SETBP1: variants seen among roughly 807,000 people sequenced by gnomAD.
The protein encoded by SETBP1 is SET-binding protein.
SETBP1 carries 9 observed loss-of-function variants against 101.0 expected under a neutral mutation model. The observed-to-expected ratio is 0.09, with a 90% CI of 0.05 to 0.16. SETBP1 has a LOEUF of 0.16. Ranked by LOEUF, SETBP1 falls within the 10% of genes least tolerant of loss-of-function variation. The pLI, the probability that SETBP1 is intolerant of heterozygous loss-of-function variation, is 1.00. For missense variants in SETBP1, 1,858 were observed against 2,033.8 expected (o/e 0.91, Z 1.66); for synonymous variants, 818 against 788.5 (o/e 1.04, Z -0.63).
At position 44,950,988 on chromosome 18, in the gene SETBP1, A is replaced by G; in HGVS notation, c.1648A>G (p.Thr550Ala). The change falls in exon 4 of 6, where the codon ACC becomes GCC. Residue 550 changes from threonine to alanine, a missense_variant. Thr to Ala is a moderately conservative substitution (Grantham distance 58). Around this residue, in one of 12 missense-constraint regions of SETBP1, gnomAD observed 581 missense variants for 535.1 expected, o/e 1.09. Coordinates refer to ENST00000649279, the MANE Select transcript of SETBP1 (RefSeq NM_015559.3). ...CATGCTTCGAGAGGCAGTTATGGCC[A>G]CCTCTGATAAACTGATGCTGGAGCC... ...STMLREAVMA[T>A]SDKLMLEPPS... is the part of the protein sequence containing the mutation. The G allele has an allele frequency of 1.2e-6, 2 of 1,613,976 alleles. No individual in the cohort carries two copies. The highest frequency in any genetic ancestry group is 1.7e-6 in the Non-Finnish European group (2 of 1,180,010).
chr18:44,792,441 C>T (rs374830369), intron 2 of SETBP1, among the ~76,000 whole-genome samples: 8 of 152,146 alleles, frequency 5.3e-5, no homozygotes, highest in Non-Finnish European at 8.8e-5. Context: ...AAGTCAGAGC[C>T]GTGCCTGAGC....
rs146723999 is a variant in SETBP1, at chr18:44,855,944, G to A, written c.487-13286G>A. ...GCTACTGGAATAAACAGGCTGTAGCGTGTGCCTACGGGCAGGACTGGGGAG... is the reference window on the plus strand; with the variant it reads ...GCTACTGGAATAAACAGGCTGTAGCATGTGCCTACGGGCAGGACTGGGGAG... On this transcript the variant is annotated intron_variant, in intron 2 of 5. Transcript: ENST00000649279. Among the ~76,000 whole-genome samples the A allele has an allele frequency of 4.9e-3, 743 of 152,292 alleles. 7 individuals are homozygous for A. Among genetic ancestry groups the A allele is most frequent in the African/African-American group, 0.017 (710 of 41,572 alleles).
At chr18:44,736,625 T>C (rs1302633024) in intron 2 of SETBP1, among the ~76,000 whole-genome samples, 1 of 152,218 alleles carries the variant, frequency 6.6e-6, no homozygotes, top group Non-Finnish European at 1.5e-5. Context: ...TTCATGCTCC[T>C]TTGAAATCAG....
At chr18:44,937,865 C>G (rs1387875028) in intron 3 of SETBP1, among the ~76,000 whole-genome samples, 1 of 152,212 alleles carries the variant, frequency 6.6e-6, no homozygotes, top group Admixed American at 6.5e-5. Context: ...TTCCTCTACA[C>G]TCCAATCTTC....
At chr18:44,834,083 T>A (rs2144480822) in intron 2 of SETBP1, among the ~76,000 whole-genome samples, 1 of 152,304 alleles carries the variant, frequency 6.6e-6, no homozygotes, top group African/African-American at 2.4e-5. Context: ...AGGACTGGAC[T>A]TCAGGAATTT....
At chr18:44,823,957 A>T (rs1022795318) in intron 2 of SETBP1, among the ~76,000 whole-genome samples, 73 of 152,238 alleles carry the variant, frequency 4.8e-4, no homozygotes, top group African/African-American at 1.7e-3. Context: ...CTTTGGCTTC[A>T]TACCAACCAT....
In SETBP1 at chr18:45,031,844, C is replaced by T. The variant is rs193175771; in HGVS notation, c.4001-6641C>T. Among the ~76,000 whole-genome samples the T allele has an allele frequency of 3.1e-3, 465 of 152,204 alleles. 1 individual carries two copies. Among genetic ancestry groups the T allele is most frequent in the Non-Finnish European group, 5.0e-3 (338 of 67,992 alleles). On this transcript the variant is annotated intron_variant, in intron 4 of 5. Transcript: ENST00000649279. ...CAGAAGTATGTTCAGGATGGTGAGA[C>T]GACAAATGGGAAGGAGGCCTGAACT...
At chr18:45,052,764 TC>T (rs1404456078) in intron 5 of SETBP1, among the ~76,000 whole-genome samples, 4 of 152,226 alleles carry the variant, frequency 2.6e-5, no homozygotes, top group Non-Finnish European at 5.9e-5. Flanking sequence ...GACATCTTTT[TC>T]TTTAAAAACT....
At chr18:44,708,609 A>T (rs189129164) in intron 2 of SETBP1, among the ~76,000 whole-genome samples, 30 of 152,288 alleles carry the variant, frequency 2.0e-4, no homozygotes, top group Non-Finnish European at 3.2e-4. Flanking sequence ...ATGTCAGCTG[A>T]AAGTGTGAGG....
chr18:45,011,044 G>T (rs1235811800), intron 4 of SETBP1, among the ~76,000 whole-genome samples: 1 of 152,216 alleles, frequency 6.6e-6, no homozygotes, highest in African/African-American at 2.4e-5. Context: ...TATGGATGCT[G>T]TGGGGATGCC....
At chr18:45,046,209 T>C (rs200615221) in intron 5 of SETBP1, among the ~76,000 whole-genome samples, 7 of 152,332 alleles carry the variant, frequency 4.6e-5, no homozygotes, top group Admixed American at 2.0e-4. Context: ...CAATAAGTAA[T>C]TGCTAAATAT....
At chr18:44,837,669 A>G (rs2072527063) in intron 2 of SETBP1, among the ~76,000 whole-genome samples, 1 of 152,178 alleles carries the variant, frequency 6.6e-6, no homozygotes, top group African/African-American at 2.4e-5. Flanking sequence ...TGCAGGAAGG[A>G]GCTGGGAGGG....
chr18:44,897,587 G>A (rs952126264), intron 3 of SETBP1, among the ~76,000 whole-genome samples: 1 of 152,144 alleles, frequency 6.6e-6, no homozygotes, highest in African/African-American at 2.4e-5. Context: ...AGCATTAATT[G>A]AGTTGTGTGG....
At chr18:44,929,422 T>A (rs2070776197) in intron 3 of SETBP1, among the ~76,000 whole-genome samples, 1 of 152,210 alleles carries the variant, frequency 6.6e-6, no homozygotes, top group Non-Finnish European at 1.5e-5. Context: ...ATGTGGGCTC[T>A]TTTTTGGTTC....
intron 4 of SETBP1, among the ~76,000 whole-genome samples, chr18:44,956,923 T>C (rs2071496634): frequency 6.6e-6 from 1 of 152,234 alleles, no homozygotes; most frequent in South Asian, 2.1e-4. Context: ...TACAGACTTC[T>C]GACCATTTTT....
At chr18:44,902,226 C>T (rs897536640) in intron 3 of SETBP1, among the ~76,000 whole-genome samples, 2 of 41,832 alleles carry the variant, frequency 4.8e-5, no homozygotes, top group African/African-American at 2.3e-4. Context: ...ACATATATCT[C>T]TCTCTTTCTC....
intron 2 of SETBP1, among the ~76,000 whole-genome samples, chr18:44,765,600 T>C (rs1225433376): frequency 6.6e-6 from 1 of 152,194 alleles, no homozygotes; most frequent in East Asian, 1.9e-4. Context: ...TTGGCACAGA[T>C]CAAATTAATC....
intron 2 of SETBP1, among the ~76,000 whole-genome samples, chr18:44,731,725 C>T (rs921069782): frequency 1.8e-4 from 28 of 152,122 alleles, no homozygotes; most frequent in African/African-American, 6.3e-4. Flanking sequence ...TGCAATTAAA[C>T]AGACATTGGT....
chr18:44,785,990 C>T (rs1232979069), intron 2 of SETBP1, among the ~76,000 whole-genome samples: 1 of 152,052 alleles, frequency 6.6e-6, no homozygotes, highest in African/African-American at 2.4e-5. Flanking sequence ...CCTGCTGTTC[C>T]CCTCTGTTTT....
Sources: allele counts gnomAD v4.1 joint callset (sites outside exome capture counted in the v4.1 genomes callset), GRCh38; gene constraint gnomAD v4.1.1; regional missense constraint gnomAD v4.1.1; transcripts MANE v1.5; gene names NCBI Gene and HGNC (gene_info 2026-07-23, HGNC 2026-07-21).